Variants in SPRED1 observed in about 807,000 individuals in gnomAD.
SPRED1 encodes sprouty related EVH1 domain containing 1, also known as sprouty-related, EVH1 domain-containing protein 1.
In SPRED1, 18 loss-of-function variants were observed where a neutral mutation model predicts 52.3. The observed-to-expected ratio is 0.34, with a 90% CI of 0.24 to 0.51. SPRED1 has a LOEUF of 0.51. Among genes scored for constraint, SPRED1 ranks in the 20% least tolerant of loss-of-function variants. The pLI, the probability that SPRED1 is intolerant of heterozygous loss-of-function variation, is 0.97. For missense variants in SPRED1, 485 were observed against 551.0 expected (o/e 0.88, Z 1.20); for synonymous variants, 155 against 179.7 (o/e 0.86, Z 1.10).
chr15:38,319,430 A>G (rs1895556008), intron 2 of SPRED1, among the ~76,000 whole-genome samples: 1 of 152,250 alleles, frequency 6.6e-6, no homozygotes, highest in Non-Finnish European at 1.5e-5. Flanking sequence ...CCTAGGCTGG[A>G]GTGCAATGGC....
chr15:38,349,227 GT>G (rs1299061706), intron 5 of SPRED1, among the ~76,000 whole-genome samples, 194 bp from the exon 6 acceptor site: 1 of 152,142 alleles, frequency 6.6e-6, no homozygotes, highest in Non-Finnish European at 1.5e-5. Flanking sequence ...ACTTGTTAAA[GT>G]TTAAATATGT....
At chr15:38,285,372 G>A (rs145012736) in intron 1 of SPRED1, among the ~76,000 whole-genome samples, 58 of 152,256 alleles carry the variant, frequency 3.8e-4, no homozygotes, top group African/African-American at 1.2e-3. Flanking sequence ...CAGACTACAT[G>A]GTATGGATGG....
intron 1 of SPRED1, among the ~76,000 whole-genome samples, chr15:38,294,653 T>C (rs1029314569): frequency 1.3e-5 from 2 of 152,166 alleles, no homozygotes; most frequent in Non-Finnish European, 2.9e-5. Flanking sequence ...TAATTTATTT[T>C]AGAAAAGTTA....
intron 3 of SPRED1, 51 bp downstream of exon 3, chr15:38,322,460 G>T: frequency 1.9e-6 from 3 of 1,586,932 alleles, no homozygotes; most frequent in Non-Finnish European, 2.6e-6. Flanking sequence ...ATATATAGTA[G>T]AGGTTATCTT....
intron 1 of SPRED1, among the ~76,000 whole-genome samples, chr15:38,285,688 TG>T (rs748678410): frequency 1.9e-4 from 29 of 152,194 alleles, no homozygotes; most frequent in Non-Finnish European, 3.1e-4. Flanking sequence ...GTGAAATATG[TG>T]GCTCTTGGAG....
chr15:38,308,267 C>G lies in SPRED1; in HGVS notation c.207+8720C>G, dbSNP rs148734025. On this transcript the variant is annotated intron_variant, in intron 2 of 6. Coordinates refer to ENST00000299084, the MANE Select transcript of SPRED1 (RefSeq NM_152594.3). ...ATAATAAATGCTGTGTACACTCTAACCTGTTTTCCCAGTGGCAACATTTTG... is the reference window on the plus strand; with the variant it reads ...ATAATAAATGCTGTGTACACTCTAAGCTGTTTTCCCAGTGGCAACATTTTG... Among the ~76,000 whole-genome samples, 1,054 of 152,320 alleles carry G rather than the reference C, an allele frequency of 6.9e-3. 2 individuals carry two copies. The highest frequency in any genetic ancestry group is 0.011 in the Non-Finnish European group (717 of 68,016).
At chr15:38,263,568 A>G (rs1027951734) in intron 1 of SPRED1, among the ~76,000 whole-genome samples, 3 of 152,204 alleles carry the variant, frequency 2.0e-5, no homozygotes, top group Admixed American at 2.0e-4. Flanking sequence ...GTATTTTAGA[A>G]GCCAAGGGAA....
At chr15:38,322,157 T>C in intron 2 of SPRED1, 84 bp from the exon 3 acceptor site, 4 of 1,308,406 alleles carry the variant, frequency 3.1e-6, no homozygotes, top group Non-Finnish European at 4.4e-6. Context: ...GTAATAGCGT[T>C]GTATCACCTC....
chr15:38,295,752 A>G (rs978306907), intron 1 of SPRED1, among the ~76,000 whole-genome samples: 4 of 152,230 alleles, frequency 2.6e-5, no homozygotes, highest in African/African-American at 9.6e-5. Context: ...TCATAATTGA[A>G]CATCTGGTTA....
At chr15:38,323,485 C>A (rs1275292745) in intron 3 of SPRED1, among the ~76,000 whole-genome samples, 1 of 152,012 alleles carries the variant, frequency 6.6e-6, no homozygotes, top group Non-Finnish European at 1.5e-5. Flanking sequence ...AGTCTGCACT[C>A]CAGACCAATT....
chr15:38,343,129 A>G (rs112586869), intron 5 of SPRED1, among the ~76,000 whole-genome samples: 1 of 152,084 alleles, frequency 6.6e-6, no homozygotes, highest in African/African-American at 2.4e-5. Flanking sequence ...TTAATATTTT[A>G]CGACATAAAT....
At chr15:38,348,702 A>T (rs1488670613) in intron 5 of SPRED1, among the ~76,000 whole-genome samples, 1 of 152,128 alleles carries the variant, frequency 6.6e-6, no homozygotes, top group Non-Finnish European at 1.5e-5. Context: ...TGTTGATGAT[A>T]AGTGAAGCTA....
chr15:38,268,258 A>G (rs1894354211), intron 1 of SPRED1: 1 of 152,190 alleles, frequency 6.6e-6, no homozygotes, highest in Non-Finnish European at 1.5e-5. Flanking sequence ...TATGCCTTTT[A>G]GTATTATCTC....
chr15:38,317,832 T>C lies in SPRED1; in HGVS notation c.208-4409T>C, dbSNP rs116446073. 8.4e-3 allele frequency among the ~76,000 whole-genome samples: 1,248 copies of C among 149,312 alleles called. 19 individuals are homozygous for C. The highest frequency in any genetic ancestry group is 0.029 in the African/African-American group (1,181 of 40,726). Reference sequence around the variant, plus strand: ...TTTTTTTTAACAACTTTCAACCCCATTGATTTTTTTTTTTAAGTTTGAAGT... The same window carrying C: ...TTTTTTTTAACAACTTTCAACCCCACTGATTTTTTTTTTTAAGTTTGAAGT... On this transcript the variant is annotated intron_variant, in intron 2 of 6. Transcript: ENST00000299084.
At chr15:38,350,368 G>T (rs1052399027) in intron 6 of SPRED1, among the ~76,000 whole-genome samples, 12 of 152,042 alleles carry the variant, frequency 7.9e-5, no homozygotes, top group African/African-American at 2.9e-4. Flanking sequence ...AGTCAGATTG[G>T]ATTAAAGTCT....
chr15:38,308,516 G>A lies in SPRED1; in HGVS notation c.207+8969G>A, dbSNP rs190124657. Among the ~76,000 whole-genome samples, 3 of 152,186 alleles carry A rather than the reference G, an allele frequency of 2.0e-5. No individual in the cohort carries two copies. In the East Asian group the frequency reaches 5.8e-4, roughly 29 times the overall value. On this transcript the variant is annotated intron_variant, in intron 2 of 6. Transcript: ENST00000299084. ...ACCACATCTATTTCCGTTTTTGCCA[G>A]GCAACCACTATTTTGTTCTCTCAAT... is the stretch of plus-strand genomic sequence containing the variant.
intron 2 of SPRED1, among the ~76,000 whole-genome samples, chr15:38,316,765 T>G (rs1272975874): frequency 5.0e-4 from 74 of 147,684 alleles, no homozygotes; most frequent in Non-Finnish European, 6.5e-4. Flanking sequence ...TTTTTTTTTT[T>G]TTTTTTTGGT....
intron 4 of SPRED1, among the ~76,000 whole-genome samples, chr15:38,333,544 T>A (rs1342038074): frequency 2.0e-5 from 3 of 152,152 alleles, no homozygotes; most frequent in Middle Eastern, 3.2e-3. Context: ...AGCCACTATA[T>A]AATTTTTAAT....
chr15:38,306,397 C>T (rs760617415), intron 2 of SPRED1, among the ~76,000 whole-genome samples: 6 of 152,072 alleles, frequency 3.9e-5, no homozygotes, highest in Non-Finnish European at 8.8e-5. Context: ...TTCCTTTTTA[C>T]TGTCATAGAT....
Sources: allele counts gnomAD v4.1 joint callset (sites outside exome capture counted in the v4.1 genomes callset), GRCh38; gene constraint gnomAD v4.1.1; transcripts MANE v1.5; gene names NCBI Gene and HGNC (gene_info 2026-07-23, HGNC 2026-07-21).